The following CLSTN2 variants were observed in gnomAD, a reference collection of about 807,000 sequenced individuals.
The protein encoded by CLSTN2 is calsyntenin 2, also known as calsyntenin-2.
Under a neutral mutation model 101.2 loss-of-function variants are expected in CLSTN2, and 48 were observed. The ratio of observed to expected loss-of-function variants is 0.47; its 90% CI spans 0.38 to 0.60. The LOEUF is 0.60. CLSTN2 is among the 20% of genes least tolerant of loss of function. The probability of loss-of-function intolerance (pLI) is 0.00; values close to 1 mark genes in which losing one functional copy is unlikely to be tolerated. For synonymous variants in CLSTN2, 481 were observed against 463.6 expected, an observed-to-expected ratio of 1.04 and a Z score of -0.48; for missense variants, 1,160 against 1,238.2, an observed-to-expected ratio of 0.94 and a Z score of 0.95.
chr3:140,139,143 C>T (rs977119226), intron 1 of CLSTN2, among the ~76,000 whole-genome samples: 2 of 152,128 alleles, frequency 1.3e-5, no homozygotes, highest in Non-Finnish European at 2.9e-5. Context: ...TGGCGGCATT[C>T]TAGGCAGAAG....
chr3:140,421,317 G>A lies in CLSTN2; in HGVS notation c.787+43G>A, dbSNP rs746834247. On this transcript the variant is annotated intron_variant, in intron 5 of 16. Transcript: ENST00000458420. ...GTCTTGTGTGAAGGCAGCATGGTCT[G>A]ATGTATAGAAGGTGGTGTACTTGTC... is the stretch of plus-strand genomic sequence containing the variant. The A allele has an allele frequency of 1.4e-5, 22 of 1,610,072 alleles. No individual in the cohort carries two copies. The East Asian group carries it at 4.7e-4, about 34-fold the overall frequency.
intron 1 of CLSTN2, among the ~76,000 whole-genome samples, chr3:140,102,369 G>A (rs900976155): frequency 6.6e-6 from 1 of 152,212 alleles, no homozygotes; most frequent in Admixed American, 6.5e-5. Context: ...AGCCTGTTGT[G>A]CTCAGACATT....
rs141985936 is a variant in CLSTN2 at position 140,251,015 on chromosome 3, A to G, written c.232+74942A>G. 2.8e-3 allele frequency among the ~76,000 whole-genome samples: 431 copies of G among 152,300 alleles called. 1 individual carries two copies. Among genetic ancestry groups the G allele is most frequent in the African/African-American group, 9.6e-3 (400 of 41,578 alleles). On this transcript the variant is annotated intron_variant, in intron 2 of 16. Transcript: ENST00000458420. Reference sequence around the variant, plus strand: ...ACTGACTGGTTTCCATGTGGCGGATATGTCCATGCCATGACATTTATGCCA... The same window carrying G: ...ACTGACTGGTTTCCATGTGGCGGATGTGTCCATGCCATGACATTTATGCCA...
At chr3:140,176,125 G>T in intron 2 of CLSTN2, 52 bp downstream of exon 2, 1 of 1,602,702 alleles carries the variant, frequency 6.2e-7, no homozygotes, top group Non-Finnish European at 8.5e-7. Flanking sequence ...AAGATGTGCT[G>T]TGAAACCTCC....
chr3:140,065,625 C>G (rs1290638496), intron 1 of CLSTN2, among the ~76,000 whole-genome samples: 2 of 152,118 alleles, frequency 1.3e-5, no homozygotes, highest in Non-Finnish European at 2.9e-5. Context: ...GCCTTTCTCT[C>G]TAGGTCAACA....
intron 1 of CLSTN2, among the ~76,000 whole-genome samples, chr3:139,991,626 A>T (rs1936116146): frequency 6.6e-6 from 1 of 152,262 alleles, no homozygotes; most frequent in South Asian, 2.1e-4. Context: ...TATTTATTTA[A>T]TGTGCAGTAT....
chr3:140,283,347 T>A (rs1035617803), intron 2 of CLSTN2, among the ~76,000 whole-genome samples: 1 of 152,204 alleles, frequency 6.6e-6, no homozygotes, highest in African/African-American at 2.4e-5. Context: ...GTCGTACTTT[T>A]TCAGGTTGTA....
intron 2 of CLSTN2, among the ~76,000 whole-genome samples, chr3:140,395,749 T>C (rs2088175200): frequency 6.6e-6 from 1 of 151,740 alleles, no homozygotes; most frequent in Admixed American, 6.5e-5. Flanking sequence ...TCCTTTCCTG[T>C]CTTATTATAC....
chr3:139,935,246 C>T lies in CLSTN2; in HGVS notation c.-129C>T. On this transcript the variant is annotated 5_prime_UTR_variant, in exon 1 of 17. Transcript: ENST00000458420. The surrounding 1 kb of genome is among the most constrained non-coding windows in gnomAD (Gnocchi z 5.5). ...GCGGCGGGAACCCGAGGCCGAGCGC[C>T]GCGGCGGCAGCGCTAGAAGCGCACC... 2.4e-6 allele frequency: 1 copy of T among 412,102 alleles called. No individual in the cohort carries two copies. The highest frequency in any genetic ancestry group is 4.0e-6 in the Non-Finnish European group (1 of 251,300). The allele number at this position is 412,102 out of a possible 1,614,324, so 25.5% of individuals were successfully genotyped here. A position where few individuals can be genotyped will look rare whatever the true frequency, so the allele number is the denominator to read the frequency against.
intron 1 of CLSTN2, among the ~76,000 whole-genome samples, chr3:140,039,662 C>T (rs566779262): frequency 2.8e-4 from 43 of 152,254 alleles, no homozygotes; most frequent in African/African-American, 8.4e-4. Flanking sequence ...GATGTCTCTC[C>T]ACTGCCACCA....
intron 1 of CLSTN2, among the ~76,000 whole-genome samples, chr3:140,138,696 C>G (rs184687860): frequency 2.6e-5 from 4 of 152,188 alleles, no homozygotes; most frequent in Admixed American, 2.6e-4. Context: ...TGAGTTACCC[C>G]CTACTCTCAC....
At chr3:140,290,118 T>C (rs1047396087) in intron 2 of CLSTN2, among the ~76,000 whole-genome samples, 1 of 152,092 alleles carries the variant, frequency 6.6e-6, no homozygotes, top group African/African-American at 2.4e-5. Flanking sequence ...GAAAAGATTG[T>C]CATTATCTTT....
At chr3:140,058,787 A>C (rs1243787971) in intron 1 of CLSTN2, among the ~76,000 whole-genome samples, 1 of 152,046 alleles carries the variant, frequency 6.6e-6, no homozygotes, top group African/African-American at 2.4e-5. Context: ...TGACAAAAAA[A>C]AAAAAAGGTC....
chr3:140,438,628 C>G (rs2088712739), intron 5 of CLSTN2, among the ~76,000 whole-genome samples: 1 of 152,094 alleles, frequency 6.6e-6, no homozygotes, highest in Admixed American at 6.5e-5. Flanking sequence ...TAAAGAACCA[C>G]TGCTCCATCT....
At chr3:140,186,126 G>A (rs1042886434) in intron 2 of CLSTN2, among the ~76,000 whole-genome samples, 10 of 152,094 alleles carry the variant, frequency 6.6e-5, no homozygotes, top group African/African-American at 2.4e-4. Context: ...AACGAACTGG[G>A]AATTTAAAAC....
chr3:140,476,949 G>A (rs548403121), intron 8 of CLSTN2, among the ~76,000 whole-genome samples: 12 of 152,066 alleles, frequency 7.9e-5, no homozygotes, highest in Non-Finnish European at 1.3e-4. Context: ...GTGAGCCACC[G>A]TGCCCAGCCT....
chr3:140,070,275 A>G (rs1395082214), intron 1 of CLSTN2, among the ~76,000 whole-genome samples: 1 of 152,228 alleles, frequency 6.6e-6, no homozygotes, highest in African/African-American at 2.4e-5. Context: ...CTCTCTTCCT[A>G]GAAAAATATA....
chr3:140,068,216 A>G (rs2008330806), intron 1 of CLSTN2, among the ~76,000 whole-genome samples: 1 of 152,240 alleles, frequency 6.6e-6, no homozygotes, highest in African/African-American at 2.4e-5. Flanking sequence ...TGGAGATGAC[A>G]CTGAAATTTG....
intron 2 of CLSTN2, among the ~76,000 whole-genome samples, chr3:140,388,009 T>A (rs1263979504): frequency 1.3e-5 from 2 of 152,258 alleles, no homozygotes; most frequent in African/African-American, 4.8e-5. Context: ...TGGTGGTGTC[T>A]ACTCTTTCAT....
Sources: allele counts gnomAD v4.1 joint callset (sites outside exome capture counted in the v4.1 genomes callset), GRCh38; gene constraint gnomAD v4.1.1; non-coding constraint Gnocchi (gnomAD v3.1); transcripts MANE v1.5; gene names NCBI Gene and HGNC (gene_info 2026-07-23, HGNC 2026-07-21).